Variants in DCC observed in about 807,000 individuals in gnomAD.
DCC encodes netrin receptor DCC.
Under a neutral mutation model 172.5 loss-of-function variants are expected in DCC, and 58 were observed. The observed-to-expected ratio is 0.34, with a 90% CI of 0.27 to 0.42. The LOEUF is 0.42. DCC is among the 10% of genes least tolerant of loss of function. The probability of loss-of-function intolerance (pLI) is 1.00; values close to 1 mark genes in which losing one functional copy is unlikely to be tolerated. For missense variants in DCC, 1,740 were observed against 1,791.0 expected, an observed-to-expected ratio of 0.97 and a Z score of 0.51; for synonymous variants, 709 against 644.5, an observed-to-expected ratio of 1.10 and a Z score of -1.52.
chr18:53,269,247 T>G (rs2056719087), intron 12 of DCC, among the ~76,000 whole-genome samples: 2 of 152,192 alleles, frequency 1.3e-5, no homozygotes, highest in Non-Finnish European at 2.9e-5. Context: ...AAAATGTGGT[T>G]TTAACAAAAA....
At chr18:52,693,037 C>G (rs557418531) in intron 1 of DCC, among the ~76,000 whole-genome samples, 1 of 152,022 alleles carries the variant, frequency 6.6e-6, no homozygotes, top group Admixed American at 6.6e-5. Context: ...TCTCCTCAAC[C>G]TGCTTTTCTC....
At chr18:53,027,180 C>T (rs527291214) in intron 5 of DCC, among the ~76,000 whole-genome samples, 3 of 152,070 alleles carry the variant, frequency 2.0e-5, no homozygotes, top group Non-Finnish European at 4.4e-5. Context: ...TCGACTTCTA[C>T]TACACTGTAG....
intron 3 of DCC, among the ~76,000 whole-genome samples, chr18:52,919,904 C>G (rs1598930528): frequency 6.6e-6 from 1 of 151,356 alleles, no homozygotes; most frequent in African/African-American, 2.4e-5. Flanking sequence ...CAGAGGAGAG[C>G]TCCCTAAAAT....
At chr18:52,656,092 G>GTA (rs200385707) in intron 1 of DCC, among the ~76,000 whole-genome samples, 22 of 135,644 alleles carry the variant, frequency 1.6e-4, no homozygotes, top group South Asian at 4.6e-4. Context: ...GTGTGTGTGT[G>GTA]TATATATATA....
chr18:53,524,144 A>AC (rs2046430089), intron 27 of DCC, among the ~76,000 whole-genome samples: 1 of 152,056 alleles, frequency 6.6e-6, no homozygotes, highest in Non-Finnish European at 1.5e-5. Flanking sequence ...AGTGTTCTCA[A>AC]CACAAAACAT....
intron 5 of DCC, among the ~76,000 whole-genome samples, chr18:53,043,366 G>T (rs776416273): frequency 6.6e-6 from 1 of 151,992 alleles, no homozygotes; most frequent in African/African-American, 2.4e-5. Flanking sequence ...TAATGTAGAT[G>T]ACATGTTGAT....
chr18:53,406,885 C>T (rs1909696378), intron 19 of DCC, among the ~76,000 whole-genome samples: 1 of 152,010 alleles, frequency 6.6e-6, no homozygotes, highest in Non-Finnish European at 1.5e-5. Context: ...TGCTTGTTTT[C>T]TCTGAGGCCA....
In DCC at chr18:52,849,659, A is replaced by AC. The variant is rs557010069; in HGVS notation, c.413-56383dup. ...ATTGGCAACAGAATATGCCCCGAGC[A>AC]CCAAAGTTCATAAAAAGTAGCCTTT... On this transcript the variant is annotated intron_variant, in intron 2 of 28. Transcript: ENST00000442544. Among the ~76,000 whole-genome samples the AC allele has an allele frequency of 5.9e-3, 905 of 152,344 alleles. 6 individuals are homozygous for AC. The highest frequency in any genetic ancestry group is 0.021 in the African/African-American group (875 of 41,576).
At chr18:52,624,386 G>T (rs1237929436) in intron 1 of DCC, among the ~76,000 whole-genome samples, 1 of 152,062 alleles carries the variant, frequency 6.6e-6, no homozygotes, top group African/African-American at 2.4e-5. Context: ...TACCTTCTAA[G>T]CTTCAACAGT....
intron 3 of DCC, among the ~76,000 whole-genome samples, chr18:52,912,567 T>G (rs1321306228): frequency 6.6e-6 from 1 of 152,070 alleles, no homozygotes; most frequent in Non-Finnish European, 1.5e-5. Context: ...TATTGCTACA[T>G]GATTTTACCT....
At chr18:53,394,986 A>G (rs1294658582) in intron 17 of DCC, among the ~76,000 whole-genome samples, 4 of 151,446 alleles carry the variant, frequency 2.6e-5, no homozygotes, top group African/African-American at 9.7e-5. Flanking sequence ...CACTAAAAAA[A>G]TACAAAAATT....
intron 2 of DCC, among the ~76,000 whole-genome samples, chr18:52,844,806 G>T (rs868030921): frequency 6.6e-6 from 1 of 152,150 alleles, no homozygotes; most frequent in Non-Finnish European, 1.5e-5. Context: ...CTTCCTCTTT[G>T]ATGTTTGTCA....
At chr18:53,078,546 AT>A (rs1467721320) in intron 7 of DCC, among the ~76,000 whole-genome samples, 2 of 152,070 alleles carry the variant, frequency 1.3e-5, no homozygotes, top group Non-Finnish European at 2.9e-5. Flanking sequence ...TCCTTCACTT[AT>A]TGTTCTATTT....
At chr18:53,405,095 A>G (rs1909576694) in intron 19 of DCC, among the ~76,000 whole-genome samples, 1 of 152,088 alleles carries the variant, frequency 6.6e-6, no homozygotes, top group Non-Finnish European at 1.5e-5. Flanking sequence ...AGAAAATAGA[A>G]TGATAAAATA....
At chr18:52,583,166 A>G (rs1231265017) in intron 1 of DCC, among the ~76,000 whole-genome samples, 3 of 152,164 alleles carry the variant, frequency 2.0e-5, no homozygotes. Context: ...TGAGGATACA[A>G]TTTTTTGATC....
intron 13 of DCC, among the ~76,000 whole-genome samples, chr18:53,312,617 T>G (rs1333798393): frequency 1.3e-5 from 2 of 148,862 alleles, no homozygotes; most frequent in African/African-American, 4.9e-5. Flanking sequence ...GATCAGGAGG[T>G]CAGGAGATCG....
chr18:52,878,113 A>G (rs1294439783), intron 2 of DCC, among the ~76,000 whole-genome samples: 1 of 151,892 alleles, frequency 6.6e-6, no homozygotes, highest in Admixed American at 6.6e-5. Context: ...ATATTTCCTA[A>G]CGTTCCTCTC....
In DCC at chr18:53,323,663, T is replaced by TTGGTTGGA. The variant is rs374366146; in HGVS notation, c.2164+1523_2164+1530dup. Among the ~76,000 whole-genome samples the TTGGTTGGA allele has an allele frequency of 4.1e-3, 618 of 151,870 alleles. 3 individuals are homozygous for TTGGTTGGA. Among genetic ancestry groups the TTGGTTGGA allele is most frequent in the African/African-American group, 0.014 (598 of 41,436 alleles). ...GGATGGATGGATGGATGGTGGTTGG[T>TTGGTTGGA]TGGTTGGATGGTTGGATGGTTGGAA... is the stretch of plus-strand genomic sequence containing the variant. On this transcript the variant is annotated intron_variant, in intron 14 of 28. Transcript: ENST00000442544.
At chr18:53,206,321 GTAT>G (rs2055634401) in intron 10 of DCC, among the ~76,000 whole-genome samples, 3 of 87,804 alleles carry the variant, frequency 3.4e-5, no homozygotes, top group African/African-American at 9.0e-5. Context: ...ATACATATAT[GTAT>G]TGTAACACAT....
Sources: allele counts gnomAD v4.1 joint callset (sites outside exome capture counted in the v4.1 genomes callset), GRCh38; gene constraint gnomAD v4.1.1; transcripts MANE v1.5; gene names NCBI Gene and HGNC (gene_info 2026-07-23, HGNC 2026-07-21).